KHDRBS2: variants seen among roughly 807,000 people sequenced by gnomAD.
KHDRBS2 encodes KH RNA binding domain containing, signal transduction associated 2.
KHDRBS2 carries 26 observed loss-of-function variants against 44.3 expected under a neutral mutation model. The observed-to-expected ratio is 0.59, with a 90% CI of 0.43 to 0.81. The LOEUF is 0.81. Ranked by LOEUF, KHDRBS2 falls within the 40% of genes least tolerant of loss-of-function variation. The pLI is 0.00. For synonymous variants in KHDRBS2, 194 were observed against 151.1 expected, an observed-to-expected ratio of 1.28 and a Z score of -2.08; for missense variants, 476 against 433.1, an observed-to-expected ratio of 1.10 and a Z score of -0.88.
chr6:61,778,484 C>T (rs527942416), intron 6 of KHDRBS2, among the ~76,000 whole-genome samples: 1 of 152,130 alleles, frequency 6.6e-6, no homozygotes, highest in South Asian at 2.1e-4. Context: ...ACCTTCCAAA[C>T]AGAAAGGCAT....
At chr6:61,591,533 G>GC in the KHDRBS2 span, among the ~76,000 whole-genome samples, 1 of 152,082 alleles carries the variant, frequency 6.6e-6, no homozygotes, top group Non-Finnish European at 1.5e-5. Context: ...TTTCACTGGT[G>GC]AGCTGTATCT....
At chr6:61,806,949 C>T (rs1445709474) in intron 6 of KHDRBS2, among the ~76,000 whole-genome samples, 1 of 151,954 alleles carries the variant, frequency 6.6e-6, no homozygotes, top group Non-Finnish European at 1.5e-5. Flanking sequence ...TATGTCAAAT[C>T]ATTTTTTTTA....
chr6:61,551,354 A>T, the KHDRBS2 span, among the ~76,000 whole-genome samples: 1 of 152,012 alleles, frequency 6.6e-6, no homozygotes, highest in African/African-American at 2.4e-5. Context: ...TGCTGTACAG[A>T]AGCTCTTTAG....
chr6:62,264,685 G>A (rs1275006933), intron 1 of KHDRBS2, among the ~76,000 whole-genome samples: 1 of 151,670 alleles, frequency 6.6e-6, no homozygotes, highest in Admixed American at 6.6e-5. Flanking sequence ...GACATATAGA[G>A]TAGGGATTTA....
intron 2 of KHDRBS2, among the ~76,000 whole-genome samples, chr6:62,053,102 T>C (rs550124360): frequency 7.8e-4 from 118 of 152,146 alleles, no homozygotes; most frequent in Non-Finnish European, 1.0e-3. Context: ...TCATGTTGTA[T>C]ACCTTAAATA....
At chr6:61,747,077 A>T (rs6924314) in intron 6 of KHDRBS2, among the ~76,000 whole-genome samples, 62,717 of 151,448 alleles carry the variant, frequency 0.41, 13,415 homozygotes, top group Middle Eastern at 0.51. Context: ...ACGAAGGATA[A>T]GAACAGACAT....
At chr6:61,705,473 G>A (rs1769370635) in intron 7 of KHDRBS2, among the ~76,000 whole-genome samples, 1 of 151,824 alleles carries the variant, frequency 6.6e-6, no homozygotes, top group Admixed American at 6.6e-5. Context: ...ATTTTTGAAT[G>A]ATAGTATTAG....
At chr6:62,088,218 A>G (rs78748373) in intron 2 of KHDRBS2, among the ~76,000 whole-genome samples, 1 of 152,050 alleles carries the variant, frequency 6.6e-6, no homozygotes, top group Non-Finnish European at 1.5e-5. Context: ...CTCATTCTCC[A>G]TCATCCAGTT....
chr6:61,918,973 G>C (rs1254564636), intron 4 of KHDRBS2, among the ~76,000 whole-genome samples: 1 of 151,816 alleles, frequency 6.6e-6, no homozygotes, highest in South Asian at 2.1e-4. Context: ...CGGAAATCAG[G>C]TTTCTTCTCT....
At chr6:61,724,625 A>C (rs966168578) in intron 7 of KHDRBS2, among the ~76,000 whole-genome samples, 13 of 152,302 alleles carry the variant, frequency 8.5e-5, no homozygotes, top group African/African-American at 3.1e-4. Context: ...GAATTTACCA[A>C]GCAAACGGAA....
intron 1 of KHDRBS2, among the ~76,000 whole-genome samples, chr6:62,214,830 A>G (rs147908784): frequency 7.2e-5 from 11 of 152,048 alleles, no homozygotes; most frequent in Non-Finnish European, 1.6e-4. Flanking sequence ...ACATATCACA[A>G]TAATCAATTT....
intron 6 of KHDRBS2, among the ~76,000 whole-genome samples, chr6:61,857,297 G>A (rs1383375842): frequency 6.6e-6 from 1 of 151,934 alleles, no homozygotes; most frequent in African/African-American, 2.4e-5. Flanking sequence ...TACAAAAGTT[G>A]ACAGGATGAT....
At chr6:61,604,869 T>C in the KHDRBS2 span, among the ~76,000 whole-genome samples, 4 of 152,286 alleles carry the variant, frequency 2.6e-5, no homozygotes, top group Middle Eastern at 3.4e-3. Context: ...CTGTAAGACA[T>C]AATTCCTTGG....
At chr6:61,708,359 A>T (rs150344843) in intron 7 of KHDRBS2, among the ~76,000 whole-genome samples, 1 of 151,650 alleles carries the variant, frequency 6.6e-6, no homozygotes, top group African/African-American at 2.4e-5. Context: ...GTACTAAAAA[A>T]TATTAAATAA....
the KHDRBS2 span, among the ~76,000 whole-genome samples, chr6:61,590,476 TAA>T: frequency 1.3e-5 from 2 of 152,180 alleles, no homozygotes; most frequent in African/African-American, 4.8e-5. Context: ...TGGAGTCAAA[TAA>T]GTTTATCTAT....
chr6:61,953,606 C>T (rs913620286), intron 4 of KHDRBS2, among the ~76,000 whole-genome samples: 1 of 152,006 alleles, frequency 6.6e-6, no homozygotes, highest in Non-Finnish European at 1.5e-5. Context: ...AAGTATAGCT[C>T]TCTGAAACAA....
chr6:62,140,098 T>C (rs1812470027), intron 2 of KHDRBS2, among the ~76,000 whole-genome samples: 1 of 152,236 alleles, frequency 6.6e-6, no homozygotes, highest in Non-Finnish European at 1.5e-5. Flanking sequence ...TCACTATTAC[T>C]TTCCTTCCAT....
chr6:62,008,911 C>T (rs923098816), intron 3 of KHDRBS2, among the ~76,000 whole-genome samples: 6 of 152,160 alleles, frequency 3.9e-5, no homozygotes, highest in African/African-American at 1.2e-4. Flanking sequence ...ATTGCCCAGT[C>T]TCAGGTATGT....
chr6:62,139,182 C>T (rs1001351940), intron 2 of KHDRBS2, among the ~76,000 whole-genome samples: 1 of 151,684 alleles, frequency 6.6e-6, no homozygotes, highest in African/African-American at 2.4e-5. Context: ...TCCCTAGATG[C>T]CAATGGAAAG....
Sources: gnomAD v4.1 joint callset for allele counts (sites outside exome capture counted in the v4.1 genomes callset) on GRCh38, gnomAD v4.1.1 for gene constraint, MANE v1.5 for transcripts, NCBI Gene and HGNC (gene_info 2026-07-23, HGNC 2026-07-21) for gene names.